The following PDE3A variants were observed in gnomAD, a reference collection of about 807,000 sequenced individuals.
The protein encoded by PDE3A is cGMP-inhibited 3',5'-cyclic phosphodiesterase 3A.
A neutral mutation model predicts 98.3 loss-of-function variants in PDE3A; 43 were observed. The observed-to-expected ratio is 0.44, with a 90% CI of 0.34 to 0.56. PDE3A has a LOEUF of 0.56. PDE3A is among the 20% of genes least tolerant of loss of function. PDE3A has a pLI of 0.01. For synonymous variants in PDE3A, 663 were observed against 567.9 expected (o/e 1.17, Z -2.38); for missense variants, 1,427 against 1,440.7 (o/e 0.99, Z 0.15).
intron 2 of PDE3A, among the ~76,000 whole-genome samples, chr12:20,608,633 AT>A (rs1301738984): frequency 6.6e-6 from 1 of 152,000 alleles, no homozygotes; most frequent in African/African-American, 2.4e-5. Flanking sequence ...AATGTTTACT[AT>A]TTTTTCTATA....
chr12:20,498,708 G>A (rs150900304), intron 1 of PDE3A, among the ~76,000 whole-genome samples: 2 of 152,112 alleles, frequency 1.3e-5, no homozygotes, highest in African/African-American at 4.8e-5. Flanking sequence ...TTAAAAAGGC[G>A]TTTACTTCTT....
intron 1 of PDE3A, among the ~76,000 whole-genome samples, chr12:20,427,969 G>T (rs1359725638): frequency 1.3e-5 from 2 of 152,048 alleles, no homozygotes; most frequent in Admixed American, 1.3e-4. Context: ...ACTTTGGGAG[G>T]CTGAGACGGG....
intron 1 of PDE3A, among the ~76,000 whole-genome samples, chr12:20,481,483 C>G (rs760940138): frequency 6.6e-6 from 1 of 151,968 alleles, no homozygotes; most frequent in Non-Finnish European, 1.5e-5. Flanking sequence ...TTAACTAGTC[C>G]TAGTCATTTG....
chr12:20,666,352 C>G (rs930728630), intron 15 of PDE3A, among the ~76,000 whole-genome samples: 6 of 152,150 alleles, frequency 3.9e-5, no homozygotes, highest in African/African-American at 1.4e-4. Context: ...AATCACCTTA[C>G]TCTGCTATCG....
intron 2 of PDE3A, among the ~76,000 whole-genome samples, chr12:20,566,858 C>T (rs904085569): frequency 2.0e-5 from 3 of 151,836 alleles, no homozygotes; most frequent in African/African-American, 7.3e-5. Context: ...GGTCTTAACT[C>T]CACTTTTACC....
intron 1 of PDE3A, among the ~76,000 whole-genome samples, chr12:20,453,373 T>C (rs530643454): frequency 6.6e-6 from 1 of 151,932 alleles, no homozygotes; most frequent in East Asian, 1.9e-4. Context: ...GGAGATGGGG[T>C]TTCACCATGT....
rs1303335074 is a variant in PDE3A at position 20,510,092 on chromosome 12, T to A, written c.961-46568T>A. ...ATTTTATGGTAGACATTATTTCATT[T>A]AAAAAATTCTAAAATGGGCTTTATT... On this transcript the variant is annotated intron_variant, in intron 1 of 15. Transcript: ENST00000359062. 2.6e-5 allele frequency among the ~76,000 whole-genome samples: 4 copies of A among 152,052 alleles called. No individual in the cohort carries two copies. The East Asian group carries it at 7.7e-4, about 29-fold the overall frequency.
intron 1 of PDE3A, among the ~76,000 whole-genome samples, chr12:20,525,273 T>C (rs1946496081): frequency 1.3e-5 from 2 of 152,168 alleles, no homozygotes; most frequent in Admixed American, 1.3e-4. Flanking sequence ...ACCCAGGAAG[T>C]GTGCTTACAA....
intron 1 of PDE3A, among the ~76,000 whole-genome samples, chr12:20,480,690 A>G (rs1945606812): frequency 6.6e-6 from 1 of 152,184 alleles, no homozygotes; most frequent in Non-Finnish European, 1.5e-5. Context: ...GATTTTTCTT[A>G]AAGTAATGAT....
intron 1 of PDE3A, among the ~76,000 whole-genome samples, chr12:20,384,510 T>C (rs1396406793): frequency 6.6e-6 from 1 of 151,966 alleles, no homozygotes; most frequent in Non-Finnish European, 1.5e-5. Flanking sequence ...ACTCTACCTA[T>C]CTTTTTTAAA....
At chr12:20,391,746 A>G (rs953971369) in intron 1 of PDE3A, among the ~76,000 whole-genome samples, 6 of 151,810 alleles carry the variant, frequency 4.0e-5, no homozygotes, top group African/African-American at 1.5e-4. Context: ...ATAGGGAACT[A>G]AGTCCCCTTC....
intron 1 of PDE3A, among the ~76,000 whole-genome samples, chr12:20,403,996 T>C (rs1322975284): frequency 2.0e-5 from 3 of 152,152 alleles, no homozygotes; most frequent in African/African-American, 7.2e-5. Context: ...AATTATTTTC[T>C]TTCAAAGGCT....
At chr12:20,619,496 G>T (rs1944084162) in intron 4 of PDE3A, among the ~76,000 whole-genome samples, 2 of 151,926 alleles carry the variant, frequency 1.3e-5, no homozygotes, top group South Asian at 2.1e-4. Context: ...GCAAACATTT[G>T]GGCCACATAT....
intron 2 of PDE3A, among the ~76,000 whole-genome samples, chr12:20,571,131 T>TA (rs1942793891): frequency 6.6e-6 from 1 of 152,204 alleles, no homozygotes; most frequent in African/African-American, 2.4e-5. Flanking sequence ...ATTCTAGAGT[T>TA]AGAGCTAAAT....
intron 1 of PDE3A, among the ~76,000 whole-genome samples, chr12:20,526,884 C>CTG (rs71039949): frequency 0.052 from 7,088 of 136,766 alleles, 184 homozygotes; most frequent in African/African-American, 0.083. Flanking sequence ...ACATTTTTTT[C>CTG]TGTGTGTGTG....
intron 4 of PDE3A, among the ~76,000 whole-genome samples, chr12:20,619,911 A>T (rs532686318): frequency 6.6e-6 from 1 of 152,212 alleles, no homozygotes; most frequent in Non-Finnish European, 1.5e-5. Context: ...ACCTCAACAC[A>T]AATTACACAT....
intron 15 of PDE3A, among the ~76,000 whole-genome samples, chr12:20,667,892 G>T (rs1332067159): frequency 6.6e-6 from 1 of 152,210 alleles, no homozygotes; most frequent in Non-Finnish European, 1.5e-5. Context: ...CTCCCAGCGT[G>T]GTGGATGCAG....
rs528213924 is a variant in PDE3A, at chr12:20,459,277, C to T, written c.960+89033C>T. On this transcript the variant is annotated intron_variant, in intron 1 of 15. Transcript: ENST00000359062. ...TTTCATGTAAAATTTTCAACTATCC[C>T]GGAGGTAGACTTTTATTGATATTTT... 1.5e-4 allele frequency among the ~76,000 whole-genome samples: 23 copies of T among 152,012 alleles called. No homozygotes were observed. In the East Asian group the frequency reaches 3.1e-3, roughly 20 times the overall value.
At chr12:20,472,672 AAAAT>A (rs1374541697) in intron 1 of PDE3A, among the ~76,000 whole-genome samples, 21 of 152,310 alleles carry the variant, frequency 1.4e-4, no homozygotes, top group African/African-American at 5.1e-4. Context: ...CACAGAGAAA[AAAAT>A]AAAGAACAGT....
Sources: allele counts gnomAD v4.1 joint callset (sites outside exome capture counted in the v4.1 genomes callset), GRCh38; gene constraint gnomAD v4.1.1; transcripts MANE v1.5; gene names NCBI Gene and HGNC (gene_info 2026-07-23, HGNC 2026-07-21).